The following NEBL variants were observed in gnomAD, a reference collection of about 807,000 sequenced individuals.
NEBL encodes LIM and SH3 protein 2.
NEBL carries 122 observed loss-of-function variants against 140.2 expected under a neutral mutation model. That is an observed-to-expected ratio of 0.87 (90% CI 0.75 to 1.01). NEBL has a LOEUF of 1.01. Among genes scored for constraint, NEBL ranks in the 50% least tolerant of loss-of-function variants. The pLI is 0.00. For synonymous variants in NEBL, 436 were observed against 398.9 expected (o/e 1.09, Z -1.11); for missense variants, 1,365 against 1,231.3 (o/e 1.11, Z -1.62).
chr10:21,018,892 G>A (rs1319025880), intron 3 of NEBL, among the ~76,000 whole-genome samples: 1 of 152,164 alleles, frequency 6.6e-6, no homozygotes, highest in African/African-American at 2.4e-5. Flanking sequence ...GCCGGGTGTG[G>A]TAGCAGGCGC....
intron 2 of NEBL, among the ~76,000 whole-genome samples, chr10:21,107,051 G>T (rs1055617098): frequency 2.0e-4 from 30 of 152,158 alleles, no homozygotes; most frequent in African/African-American, 7.2e-4. Flanking sequence ...AGACTTTGCT[G>T]AAGTTACTTA....
At chr10:20,939,141 T>A (rs994682153) in intron 4 of NEBL, among the ~76,000 whole-genome samples, 1 of 152,158 alleles carries the variant, frequency 6.6e-6, no homozygotes, top group East Asian at 1.9e-4. Flanking sequence ...AACTGTCAGA[T>A]TCACCAAAGT....
intron 2 of NEBL, among the ~76,000 whole-genome samples, chr10:21,062,323 A>G (rs1314527222): frequency 6.6e-6 from 1 of 152,008 alleles, no homozygotes; most frequent in Non-Finnish European, 1.5e-5. Flanking sequence ...AAGAGATGAT[A>G]TTTTAAATGA....
chr10:20,840,734 C>T lies in NEBL; in HGVS notation c.1338+5G>A, dbSNP rs1439151825. The T allele has an allele frequency of 2.5e-6, 4 of 1,575,682 alleles. No homozygotes were observed. The African/African-American group carries it at 4.1e-5, about 16-fold the overall frequency. ...TCATCTAAGGTGTTAAATAAACATACTCACCTCACTTGCCATTTCAGAGGC... is the reference window on the plus strand; with the variant it reads ...TCATCTAAGGTGTTAAATAAACATATTCACCTCACTTGCCATTTCAGAGGC... On this transcript the variant is annotated splice_donor_5th_base_variant and intron_variant, in intron 13 of 27. Coordinates refer to ENST00000377122, the MANE Select transcript of NEBL (RefSeq NM_006393.3).
At chr10:21,017,220 G>A (rs1046872123) in intron 3 of NEBL, among the ~76,000 whole-genome samples, 5 of 152,142 alleles carry the variant, frequency 3.3e-5, no homozygotes, top group Non-Finnish European at 7.4e-5. Flanking sequence ...AGTTGTTTAT[G>A]ATTAAATAAA....
At chr10:21,280,619 C>CTTTTTT (rs554320752) in intron 1 of NEBL, among the ~76,000 whole-genome samples, 9 of 98,132 alleles carry the variant, frequency 9.2e-5, no homozygotes, top group East Asian at 3.4e-4. Flanking sequence ...TTTCTTTTTC[C>CTTTTTT]TTTTTTTTTT....
At chr10:20,981,299 C>CAGAAA (rs1472123363) in intron 3 of NEBL, among the ~76,000 whole-genome samples, 4 of 145,160 alleles carry the variant, frequency 2.8e-5, no homozygotes, top group Non-Finnish European at 6.0e-5. Flanking sequence ...TAATACAGGC[C>CAGAAA]AGAAAAGAAA....
chr10:20,971,146 T>C (rs892300664), intron 3 of NEBL, among the ~76,000 whole-genome samples: 2 of 152,208 alleles, frequency 1.3e-5, no homozygotes, highest in Non-Finnish European at 2.9e-5. Context: ...ATGGTTTAAG[T>C]TTTCTTTTAG....
chr10:21,219,444 A>G (rs550881004), intron 3 of NEBL, among the ~76,000 whole-genome samples: 2 of 152,272 alleles, frequency 1.3e-5, no homozygotes, highest in Admixed American at 6.5e-5. Flanking sequence ...TTCCTCAAAT[A>G]AGCTCATTTT....
intron 2 of NEBL, chr10:21,113,072 GA>G (rs1443997105): frequency 4.5e-6 from 1 of 220,424 alleles, no homozygotes; most frequent in Non-Finnish European, 8.8e-6. Context: ...AGAGGAAGGA[GA>G]AAGAGAAGGA....
chr10:21,044,397 T>TAAAAAAAAAAAAAA (rs57176129), intron 2 of NEBL, among the ~76,000 whole-genome samples: 1 of 34,866 alleles, frequency 2.9e-5, no homozygotes, highest in Non-Finnish European at 4.5e-5. Flanking sequence ...AGAGTAAGAA[T>TAAAAAAAAAAAAAA]AAAAAAAAAA....
chr10:20,843,548 T>TA (rs56790751), intron 12 of NEBL, among the ~76,000 whole-genome samples: 63,650 of 151,922 alleles, frequency 0.42, 14,358 homozygotes, highest in African/African-American at 0.59. Context: ...GATTCTCCTT[T>TA]AAAAAATTAA....
chr10:21,036,889 C>A (rs928139852), intron 2 of NEBL, among the ~76,000 whole-genome samples: 1 of 152,084 alleles, frequency 6.6e-6, no homozygotes. Flanking sequence ...ACTACTCAAG[C>A]GTAGAATATT....
At chr10:20,787,104 T>C in intron 27 of NEBL, 98 bp downstream of exon 27, 1 of 978,812 alleles carries the variant, frequency 1.0e-6, no homozygotes, top group Non-Finnish European at 1.6e-6. Flanking sequence ...TAAATGAAAA[T>C]ACCCAATATT....
At chr10:21,050,670 C>T (rs548250812) in intron 2 of NEBL, among the ~76,000 whole-genome samples, 1 of 152,264 alleles carries the variant, frequency 6.6e-6, no homozygotes, top group East Asian at 1.9e-4. Context: ...AAGATGGTGG[C>T]ATCTGACAGG....
chr10:20,785,032 C>A lies in NEBL; in HGVS notation c.*715G>T, dbSNP rs1835291573. 6.5e-6 allele frequency: 1 copy of A among 152,802 alleles called. No individual in the cohort carries two copies. 9.5% of individuals were successfully genotyped at this position (152,802 alleles called of 1,614,324 possible). On this transcript the variant is annotated 3_prime_UTR_variant, in exon 28 of 28. Coordinates refer to ENST00000377122, the MANE Select transcript of NEBL (RefSeq NM_006393.3). Reference sequence around the variant, plus strand: ...TATATCAATGACATTATAATTTGCCCTTTGCAGAGTAGCTGTGAAGTTATT... The same window carrying A: ...TATATCAATGACATTATAATTTGCCATTTGCAGAGTAGCTGTGAAGTTATT...
At chr10:21,198,561 C>G (rs1366209507) in intron 3 of NEBL, among the ~76,000 whole-genome samples, 1 of 152,166 alleles carries the variant, frequency 6.6e-6, no homozygotes, top group Non-Finnish European at 1.5e-5. Context: ...CATAGAACAG[C>G]TAAAAACTCC....
chr10:21,089,166 C>A (rs563378673), intron 2 of NEBL, among the ~76,000 whole-genome samples: 2 of 148,610 alleles, frequency 1.3e-5, no homozygotes, highest in Non-Finnish European at 2.9e-5. Context: ...TCTGCTTGAG[C>A]GGAGTCTAGA....
intron 1 of NEBL, among the ~76,000 whole-genome samples, chr10:21,288,093 C>T (rs1410531096): frequency 1.3e-5 from 2 of 152,148 alleles, no homozygotes; most frequent in African/African-American, 4.8e-5. Flanking sequence ...TAGCCAAGTA[C>T]CTGGTACCTA....
Sources: allele counts gnomAD v4.1 joint callset (sites outside exome capture counted in the v4.1 genomes callset), GRCh38; gene constraint gnomAD v4.1.1; transcripts MANE v1.5; gene names NCBI Gene and HGNC (gene_info 2026-07-23, HGNC 2026-07-21).